FA2H: variants seen among roughly 807,000 people sequenced by gnomAD.
FA2H encodes the protein fatty acid alpha-hydroxylase.
Under a neutral mutation model 44.9 loss-of-function variants are expected in FA2H, and 22 were observed. The ratio of observed to expected loss-of-function variants is 0.49; its 90% confidence interval spans 0.35 to 0.70. The LOEUF (loss-of-function observed/expected upper bound fraction) is 0.70. FA2H is among the 30% of genes least tolerant of loss of function. The pLI is 0.01. For missense variants in FA2H, 501 were observed against 504.9 expected (o/e 0.99, Z 0.07); for synonymous variants, 243 against 213.2 (o/e 1.14, Z -1.22).
chr16:74,766,648 G>A (rs1167048843), intron 1 of FA2H, among the ~76,000 whole-genome samples: 1 of 152,056 alleles, frequency 6.6e-6, no homozygotes, highest in Non-Finnish European at 1.5e-5. Context: ...ACTAAGGGGG[G>A]GGGCTCCTGA....
chr16:74,726,417 TCA>T, intron 3 of FA2H, 86 bp from the exon 4 acceptor site: 1 of 876,710 alleles, frequency 1.1e-6, no homozygotes. Context: ...AGACGGAGTT[TCA>T]CTCTTGTTGC....
rs184976428 is a variant in FA2H at position 74,729,159 on chromosome 16, T to G, written c.364-1773A>C. On this transcript the variant is annotated intron_variant, in intron 2 of 6. Transcript: ENST00000219368. ...CCAAGTAGCTGGGATTACAGGCACA[T>G]GCCACCTCGCCCGCTAATTTTTTGT... Among the ~76,000 whole-genome samples, 21 of 152,208 alleles carry G rather than the reference T, an allele frequency of 1.4e-4. No individual in the cohort carries two copies. The East Asian group carries it at 2.7e-3, about 20-fold the overall frequency.
rs1215149290 is a variant in FA2H at position 74,774,785 on chromosome 16, C to T, written c.-30G>A. The stretch of plus-strand genomic sequence containing the variant: ...GGAGACCGCAGCTCCCAGCGCGCAG[C>T]CCGGCGTCTGCTCTGCTGCCACCCT... On this transcript the variant is annotated 5_prime_UTR_variant, in exon 1 of 7. Coordinates refer to ENST00000219368, the MANE Select transcript of FA2H (RefSeq NM_024306.5). The T allele has an allele frequency of 5.5e-6, 7 of 1,276,996 alleles. No homozygotes were observed. Among genetic ancestry groups the T allele is most frequent in the Non-Finnish European group, 6.9e-6 (7 of 1,017,854 alleles). The allele number at this position is 1,276,996 out of a possible 1,614,324, so 79.1% of individuals were successfully genotyped here.
intron 1 of FA2H, among the ~76,000 whole-genome samples, chr16:74,763,303 G>C (rs1962746130): frequency 6.6e-6 from 1 of 152,090 alleles, no homozygotes; most frequent in African/African-American, 2.4e-5. Context: ...TGTTACCCAG[G>C]CTGGAGTGCA....
intron 2 of FA2H, among the ~76,000 whole-genome samples, chr16:74,730,813 G>T (rs998460724): frequency 6.6e-6 from 1 of 152,152 alleles, no homozygotes; most frequent in African/African-American, 2.4e-5. Context: ...CTTGATCCTC[G>T]CCATACCCCT....
chr16:74,768,764 C>T (rs1962853207), intron 1 of FA2H, among the ~76,000 whole-genome samples: 1 of 152,118 alleles, frequency 6.6e-6, no homozygotes, highest in African/African-American at 2.4e-5. Context: ...CTCTGAATGG[C>T]CAGAGCCCAA....
chr16:74,764,371 T>C (rs942392969), intron 1 of FA2H, among the ~76,000 whole-genome samples: 1 of 152,262 alleles, frequency 6.6e-6, no homozygotes, highest in Admixed American at 6.5e-5. Context: ...ATATACACCA[T>C]GGAATACTAT....
intron 1 of FA2H, among the ~76,000 whole-genome samples, chr16:74,741,808 A>ATATATG (rs1491185782): frequency 2.0e-3 from 98 of 48,362 alleles, no homozygotes; most frequent in Middle Eastern, 8.1e-3. Context: ...ATATATATAT[A>ATATATG]TGTGTGTGTG....
intron 3 of FA2H, 63 bp from the exon 4 acceptor site, chr16:74,726,394 CTTTT>C: frequency 1.3e-6 from 1 of 778,094 alleles, no homozygotes; most frequent in Non-Finnish European, 2.1e-6. Flanking sequence ...GTACAGCTTT[CTTTT>C]TTTTTTTGAG....
chr16:74,739,943 CT>C, intron 2 of FA2H, 79 bp downstream of exon 2: 1 of 1,091,670 alleles, frequency 9.2e-7, no homozygotes, highest in Non-Finnish European at 1.4e-6. Context: ...CCACTCCCAG[CT>C]TTGGCTCCAC....
At position 74,713,938 on chromosome 16, in the gene FA2H, A is replaced by T; in HGVS notation, c.*252T>A. On this transcript the variant is annotated 3_prime_UTR_variant, in exon 7 of 7. Coordinates refer to ENST00000219368, the MANE Select transcript of FA2H (RefSeq NM_024306.5). ...GAAGCAGTCCTGTGGGCTGAGCTCT[A>T]GGCAGGGACGCTCCAGGAAGAAGTG... is the stretch of plus-strand genomic sequence containing the variant. 3.7e-6 allele frequency: 2 copies of T among 536,412 alleles called. No individual in the cohort carries two copies. Among genetic ancestry groups the T allele is most frequent in the Non-Finnish European group, 6.7e-6 (2 of 296,390 alleles). The allele number at this position is 536,412 out of a possible 1,614,324, so 33.2% of individuals were successfully genotyped here.
At chr16:74,733,345 C>T (rs965786155) in intron 2 of FA2H, among the ~76,000 whole-genome samples, 2 of 152,146 alleles carry the variant, frequency 1.3e-5, no homozygotes, top group African/African-American at 2.4e-5. Flanking sequence ...TCAGGCCCGC[C>T]GACCCCCGAC....
chr16:74,718,842 G>T, intron 5 of FA2H, 146 bp downstream of exon 5: 1 of 933,102 alleles, frequency 1.1e-6, no homozygotes, highest in Non-Finnish European at 1.7e-6. Context: ...CAACCCAGTT[G>T]CCCCGTGAGT....
intron 2 of FA2H, among the ~76,000 whole-genome samples, chr16:74,727,595 T>G (rs200374591): frequency 6.6e-6 from 1 of 152,236 alleles, no homozygotes; most frequent in African/African-American, 2.4e-5. Flanking sequence ...CGGTAAAGGT[T>G]TGCGACCTAA....
intron 1 of FA2H, among the ~76,000 whole-genome samples, chr16:74,767,964 G>A (rs925454125): frequency 6.6e-6 from 1 of 152,208 alleles, no homozygotes; most frequent in Non-Finnish European, 1.5e-5. Context: ...TGACCACCGG[G>A]TGGAGGAAGG....
Position 74,774,764 on chromosome 16 carries a change from A to T in FA2H, c.-9T>A. 2.3e-6 allele frequency: 3 copies of T among 1,286,848 alleles called. No homozygotes were observed. The highest frequency in any genetic ancestry group is 2.9e-6 in the Non-Finnish European group (3 of 1,023,352). The allele number at this position is 1,286,848 out of a possible 1,614,324, so 79.7% of individuals were successfully genotyped here. On this transcript the variant is annotated 5_prime_UTR_variant, in exon 1 of 7. Coordinates refer to ENST00000219368, the MANE Select transcript of FA2H (RefSeq NM_024306.5). ...GGCGGAGCGGGGGCCATGGCCGGAG[A>T]CCGCAGCTCCCAGCGCGCAGCCCGG... is the stretch of plus-strand genomic sequence containing the variant.
chr16:74,727,522 T>A (rs775797972), intron 2 of FA2H, 136 bp from the exon 3 acceptor site: 60 of 919,684 alleles, frequency 6.5e-5, no homozygotes, highest in Non-Finnish European at 9.7e-5. Flanking sequence ...CCCACCCTCC[T>A]GCTTCAGTGA....
At position 74,720,180 on chromosome 16, in the gene FA2H, C is replaced by CTTTTTTTTTTTTTT. The variant is rs56341013; in HGVS notation, c.614-1034_614-1021dup. Among the ~76,000 whole-genome samples the CTTTTTTTTTTTTTT allele has an allele frequency of 5.3e-4, 25 of 47,244 alleles. 5 individuals carry two copies. The highest frequency in any genetic ancestry group is 6.2e-4 in the Non-Finnish European group (17 of 27,318). The allele number at this position is 47,244 out of a possible 152,430, so 31.0% of individuals were successfully genotyped here. Reference sequence around the variant, plus strand: ...TTTGCTCCATATATTCATCCTCATCCTTTTTTTTTTTTTTTTTTTTTTTTT... The same window carrying CTTTTTTTTTTTTTT: ...TTTGCTCCATATATTCATCCTCATCCTTTTTTTTTTTTTTTTTTTTTTTTTTTTTTTTTTTTTTT... On this transcript the variant is annotated intron_variant, in intron 4 of 6. Coordinates refer to ENST00000219368, the MANE Select transcript of FA2H (RefSeq NM_024306.5).
At chr16:74,725,903 G>A in intron 4 of FA2H, 2 of 377,428 alleles carry the variant, frequency 5.3e-6, no homozygotes, top group South Asian at 2.2e-5. Flanking sequence ...TCTTAGCAAA[G>A]AATCCCACAT....
Sources: gnomAD v4.1 joint callset for allele counts (sites outside exome capture counted in the v4.1 genomes callset) on GRCh38, gnomAD v4.1.1 for gene constraint, MANE v1.5 for transcripts, NCBI Gene and HGNC (gene_info 2026-07-23, HGNC 2026-07-21) for gene names.